PLAAT1: variants seen among roughly 807,000 people sequenced by gnomAD.
PLAAT1 encodes the protein H-REV107 protein-related protein.
Under a neutral mutation model 16.4 loss-of-function variants are expected in PLAAT1, and 13 were observed. The ratio of observed to expected loss-of-function variants is 0.79; its 90% CI spans 0.52 to 1.26. PLAAT1 has a LOEUF of 1.26. Among genes scored for constraint, PLAAT1 ranks in the 50% most tolerant of loss-of-function variants. PLAAT1 has a pLI of 0.00. For synonymous variants in PLAAT1, 73 were observed against 78.4 expected (o/e 0.93, Z 0.36); for missense variants, 218 against 207.8 (o/e 1.05, Z -0.30).
downstream of PLAAT1, among the ~76,000 whole-genome samples, chr3:193,278,375 A>G (rs868393575): frequency 1.3e-5 from 2 of 152,140 alleles, no homozygotes; most frequent in Admixed American, 6.5e-5. Flanking sequence ...CCCTTGGCAT[A>G]AAGTCTAAAC....
At chr3:193,275,430 C>A, downstream of PLAAT1, 1 of 1,047,490 alleles carries the variant, frequency 9.5e-7, no homozygotes, top group East Asian at 2.4e-5. Context: ...GTTGCATCTA[C>A]CTCTCCTTTC....
chr3:193,275,239 T>G (rs142600681), downstream of PLAAT1: 2 of 1,614,070 alleles, frequency 1.2e-6, no homozygotes, highest in African/African-American at 2.7e-5. Context: ...TATTGACTTT[T>G]AGAGTAGAAT....
chr3:193,275,167 A>G (rs1717131161), downstream of PLAAT1: 8 of 1,614,188 alleles, frequency 5.0e-6, no homozygotes, highest in South Asian at 7.7e-5. Flanking sequence ...TCACCTGAAT[A>G]ATCTGTCCTG....
At chr3:193,246,613 C>T (rs181352990) in intron 1 of PLAAT1, among the ~76,000 whole-genome samples, 28 of 152,268 alleles carry the variant, frequency 1.8e-4, no homozygotes, top group Admixed American at 5.2e-4. Context: ...CCATCTGCCT[C>T]GGCCTCCCAA....
At chr3:193,240,991 A>G (rs961016993), upstream of PLAAT1, 4 of 355,604 alleles carry the variant, frequency 1.1e-5, no homozygotes, top group Non-Finnish European at 1.5e-5. Context: ...GGAACGTCCG[A>G]GACGCGGGTG....
intron 2 of PLAAT1, among the ~76,000 whole-genome samples, chr3:193,260,401 C>T (rs1475730116): frequency 6.6e-6 from 1 of 152,120 alleles, no homozygotes; most frequent in East Asian, 1.9e-4. Context: ...AAGAAATTAT[C>T]AACAGAGTAA....
At chr3:193,254,261 C>G (rs191226406) in intron 1 of PLAAT1, among the ~76,000 whole-genome samples, 13 of 152,264 alleles carry the variant, frequency 8.5e-5, no homozygotes, top group African/African-American at 3.1e-4. Context: ...GGAAAACACC[C>G]TTCTAACATT....
upstream of PLAAT1, chr3:193,241,093 C>T: frequency 5.5e-6 from 4 of 727,158 alleles, no homozygotes; most frequent in Non-Finnish European, 7.1e-6. Flanking sequence ...GCGGCTGCGT[C>T]GGGGCGCGAG....
chr3:193,248,082 C>G (rs572247284), intron 1 of PLAAT1, among the ~76,000 whole-genome samples: 1 of 152,020 alleles, frequency 6.6e-6, no homozygotes, highest in Non-Finnish European at 1.5e-5. Context: ...TTTATGTATT[C>G]GGTGCTTTGA....
chr3:193,269,137 C>G (rs756301128), intron 3 of PLAAT1, among the ~76,000 whole-genome samples: 1 of 152,078 alleles, frequency 6.6e-6, no homozygotes, highest in Non-Finnish European at 1.5e-5. Context: ...TCTTCTCCCC[C>G]GCTCCCCCAA....
chr3:193,281,331 G>T (rs1034276719), downstream of PLAAT1: 1 of 336,626 alleles, frequency 3.0e-6, no homozygotes, highest in African/African-American at 2.2e-5. Context: ...ACTAGGTCTC[G>T]CCTGTGCACA....
chr3:193,273,755 A>G (rs1717064395), downstream of PLAAT1, among the ~76,000 whole-genome samples: 1 of 152,224 alleles, frequency 6.6e-6, no homozygotes, highest in Non-Finnish European at 1.5e-5. Context: ...TGTACAGAAT[A>G]TATTTGTAAA....
At chr3:193,258,463 CAAA>C in intron 2 of PLAAT1, among the ~76,000 whole-genome samples, 1 of 117,410 alleles carries the variant, frequency 8.5e-6, no homozygotes, top group Non-Finnish European at 1.7e-5. Context: ...ATTAACAAAA[CAAA>C]GAATTTGTTT....
chr3:193,281,202 C>A (rs558545974), downstream of PLAAT1: 277 of 985,236 alleles, frequency 2.8e-4, no homozygotes, highest in African/African-American at 4.7e-3. Flanking sequence ...GATTTGGAGT[C>A]CCAGGAACGC....
At chr3:193,262,043 T>G (rs1183526186) in intron 2 of PLAAT1, among the ~76,000 whole-genome samples, 3 of 152,138 alleles carry the variant, frequency 2.0e-5, no homozygotes, top group Admixed American at 6.5e-5. Flanking sequence ...ATGTGGAGAC[T>G]CTCTCTCATG....
At chr3:193,269,953 T>C (rs1365397152) in intron 3 of PLAAT1, among the ~76,000 whole-genome samples, 1 of 152,176 alleles carries the variant, frequency 6.6e-6, no homozygotes, top group Non-Finnish European at 1.5e-5. Context: ...TTAACATCAG[T>C]ATTGGCTTTT....
In PLAAT1 at chr3:193,241,284, C is replaced by T; in HGVS notation, c.-250C>T. On this transcript the variant is annotated 5_prime_UTR_variant, in exon 1 of 4. Transcript: ENST00000264735. Reference sequence around the variant, plus strand: ...CGAGCCCAGCGCGTCGGCCCCCCGGCGTGCGGGCGTCTCAGAGCCGCGGAG... The same window carrying T: ...CGAGCCCAGCGCGTCGGCCCCCCGGTGTGCGGGCGTCTCAGAGCCGCGGAG... The T allele has an allele frequency of 8.1e-7, 1 of 1,230,298 alleles. No homozygotes were observed. Among genetic ancestry groups the T allele is most frequent in the African/African-American group, 1.6e-5 (1 of 64,410 alleles). 76.2% of individuals were successfully genotyped at this position (1,230,298 alleles called of 1,614,324 possible).
At chr3:193,275,047 G>A (rs747887517), downstream of PLAAT1, 4 of 1,613,866 alleles carry the variant, frequency 2.5e-6, no homozygotes, top group African/African-American at 4.0e-5. Context: ...TCTGATTACA[G>A]CCTGGCCCAG....
At chr3:193,250,596 C>T (rs147367095) in intron 1 of PLAAT1, among the ~76,000 whole-genome samples, 2 of 152,266 alleles carry the variant, frequency 1.3e-5, no homozygotes, top group Admixed American at 6.5e-5. Flanking sequence ...AAGAGCACTC[C>T]GTGTGTATGG....
Sources: gnomAD v4.1 joint callset for allele counts (sites outside exome capture counted in the v4.1 genomes callset) on GRCh38, gnomAD v4.1.1 for gene constraint, MANE v1.5 for transcripts, NCBI Gene and HGNC (gene_info 2026-07-23, HGNC 2026-07-21) for gene names.